The following CLGN variants were observed in gnomAD, a reference collection of about 807,000 sequenced individuals.
CLGN encodes calmegin.
In CLGN, 62 loss-of-function variants were observed where a neutral mutation model predicts 79.1. That is an observed-to-expected ratio of 0.78 (90% CI 0.64 to 0.97). The LOEUF is 0.97. CLGN is among the 50% of genes least tolerant of loss of function. The probability of loss-of-function intolerance (pLI) is 0.00; values close to 1 mark genes in which losing one functional copy is unlikely to be tolerated. For synonymous variants in CLGN, 225 were observed against 224.7 expected (o/e 1.00, Z -0.01); for missense variants, 647 against 715.5 (o/e 0.90, Z 1.09).
intron 1 of CLGN, among the ~76,000 whole-genome samples, chr4:140,414,316 G>T (rs1336210581): frequency 6.6e-6 from 1 of 151,848 alleles, no homozygotes; most frequent in South Asian, 2.1e-4. Flanking sequence ...AAGGAATGCA[G>T]TTCCTCACCA....
Position 140,401,157 on chromosome 4 carries a change from A to G in CLGN, c.502-608T>C, listed in dbSNP as rs112854979. 2.6e-4 allele frequency among the ~76,000 whole-genome samples: 40 copies of G among 152,306 alleles called. 1 individual carries two copies. The highest frequency in any genetic ancestry group is 8.4e-4 in the African/African-American group (35 of 41,574). ...TGCACCTCCATTTCATCACCTCTGA[A>G]GTATGGAGATGATAATAGTACCTAC... is the stretch of plus-strand genomic sequence containing the variant. On this transcript the variant is annotated intron_variant, in intron 6 of 14. Coordinates refer to ENST00000325617, the MANE Select transcript of CLGN (RefSeq NM_004362.3).
chr4:140,425,785 T>C (rs1320672243), intron 1 of CLGN, among the ~76,000 whole-genome samples: 1 of 151,750 alleles, frequency 6.6e-6, no homozygotes, highest in African/African-American at 2.4e-5. Context: ...CGCGCCACTA[T>C]GCCCGGCTAA....
At chr4:140,425,599 T>C (rs1250913948) in intron 1 of CLGN, among the ~76,000 whole-genome samples, 1 of 151,824 alleles carries the variant, frequency 6.6e-6, no homozygotes, top group Non-Finnish European at 1.5e-5. Context: ...ACTTTATGTT[T>C]CTGTGACACA....
chr4:140,405,254 G>A (rs1401110331), intron 5 of CLGN, among the ~76,000 whole-genome samples: 19 of 141,220 alleles, frequency 1.3e-4, no homozygotes, highest in East Asian at 8.2e-4. Flanking sequence ...GCGGGATCTC[G>A]GCTCACTGCA....
intron 1 of CLGN, among the ~76,000 whole-genome samples, chr4:140,427,129 G>A (rs759539759): frequency 1.3e-5 from 2 of 152,074 alleles, no homozygotes; most frequent in Non-Finnish European, 2.9e-5. Flanking sequence ...GGGCTCAAGC[G>A]TGGAACGGGG....
chr4:140,413,179 C>A, intron 1 of CLGN, 92 bp from the exon 2 acceptor site: 2 of 909,116 alleles, frequency 2.2e-6, no homozygotes, highest in South Asian at 3.2e-5. Context: ...TCCATAATAG[C>A]TCCTTTATTC....
Position 140,392,707 on chromosome 4 carries a change from C to G in CLGN, c.1370G>C (p.Gly457Ala), listed in dbSNP as rs773076710. Reference protein sequence around the residue: ...KIMIANANKPGVLKQLMAAAE... With the variant: ...KIMIANANKPAVLKQLMAAAE... ...AGCTGCCATTAACTGTTTTAATACACCAGGCTATAGACGAGATAAGCATAA... is the reference window on the plus strand; with the variant it reads ...AGCTGCCATTAACTGTTTTAATACAGCAGGCTATAGACGAGATAAGCATAA... The change falls in exon 12 of 15, where the codon GGT (glycine) becomes GCT (alanine). Residue 457 changes from glycine to alanine, a missense_variant. Physicochemically the swap from Gly to Ala is moderately conservative, Grantham distance 60. Transcript: ENST00000325617. 2 of 1,591,040 alleles carry G rather than the reference C, an allele frequency of 1.3e-6. No individual in the cohort carries two copies. Among genetic ancestry groups the G allele is most frequent in the Non-Finnish European group, 1.7e-6 (2 of 1,172,298 alleles).
At position 140,425,622 on chromosome 4, in the gene CLGN, CTTTTTTTTTTTTTT is replaced by C. The variant is rs60198755; in HGVS notation, c.-10+1901_-10+1914del. Among the ~76,000 whole-genome samples, 6 of 97,192 alleles carry C rather than the reference CTTTTTTTTTTTTTT, an allele frequency of 6.2e-5. No individual in the cohort carries two copies. In the Admixed American group the frequency reaches 8.6e-4, roughly 14 times the overall value. 63.8% of individuals were successfully genotyped at this position (97,192 alleles called of 152,430 possible). A position where few individuals can be genotyped will look rare whatever the true frequency, so the allele number is the denominator to read the frequency against. ...TTTCTGTGACACATTTTTGTAATTC[CTTTTTTTTTTTTTT>C]TTTTTTTTTTGAGATGGAGTCTTGC... On this transcript the variant is annotated intron_variant, in intron 1 of 14. Coordinates refer to ENST00000325617, the MANE Select transcript of CLGN (RefSeq NM_004362.3).
At chr4:140,422,399 C>A (rs1729486255) in intron 1 of CLGN, among the ~76,000 whole-genome samples, 1 of 152,150 alleles carries the variant, frequency 6.6e-6, no homozygotes, top group Admixed American at 6.5e-5. Flanking sequence ...AACACAATGT[C>A]TTTCCATTGA....
At chr4:140,389,796 G>T (rs1194179644) in intron 14 of CLGN, among the ~76,000 whole-genome samples, 2 of 151,694 alleles carry the variant, frequency 1.3e-5, no homozygotes, top group East Asian at 3.9e-4. Context: ...TTAAACATTA[G>T]GAAAGACTTA....
chr4:140,422,177 T>G (rs773736084), intron 1 of CLGN, among the ~76,000 whole-genome samples: 1 of 152,236 alleles, frequency 6.6e-6, no homozygotes, highest in African/African-American at 2.4e-5. Context: ...ATTTGATTAC[T>G]ATAGCTTTGT....
At chr4:140,404,142 G>C (rs962200217) in intron 5 of CLGN, among the ~76,000 whole-genome samples, 1 of 151,704 alleles carries the variant, frequency 6.6e-6, no homozygotes, top group Non-Finnish European at 1.5e-5. Context: ...TGCCCAGGCT[G>C]GAGTGCAGTG....
chr4:140,411,343 T>C (rs1276198633), intron 2 of CLGN, among the ~76,000 whole-genome samples: 3 of 152,232 alleles, frequency 2.0e-5, no homozygotes, highest in South Asian at 4.1e-4. Context: ...GCCAAGACTG[T>C]CTGGCTCCAA....
rs1185869709 is a variant in CLGN at position 140,405,464 on chromosome 4, G to A, written c.419+478C>T. On this transcript the variant is annotated intron_variant, in intron 5 of 14. Transcript: ENST00000325617. ...CTCCCAAAGTGCTGGGATTACAGGC[G>A]TGAGCCACCGCGCCCGGCGATAACA... is the stretch of plus-strand genomic sequence containing the variant. Among the ~76,000 whole-genome samples the A allele has an allele frequency of 5.3e-5, 8 of 152,128 alleles. No individual in the cohort carries two copies. In the South Asian group the frequency reaches 1.0e-3, roughly 20 times the overall value.
At chr4:140,412,803 GA>G in intron 2 of CLGN, 131 bp downstream of exon 2, 4 of 834,178 alleles carry the variant, frequency 4.8e-6, no homozygotes, top group Non-Finnish European at 7.1e-6. Context: ...AAGACACTTA[GA>G]AAAAAAATCA....
intron 1 of CLGN, among the ~76,000 whole-genome samples, chr4:140,425,351 G>C (rs1313225692): frequency 6.6e-6 from 1 of 152,030 alleles, no homozygotes; most frequent in Admixed American, 6.6e-5. Flanking sequence ...AAGGTAGGAA[G>C]TTGCAGAATC....
Position 140,388,902 on chromosome 4 carries a change from A to G in CLGN, c.*322T>C, listed in dbSNP as rs1728723406. 4.7e-6 allele frequency: 1 copy of G among 210,880 alleles called. No homozygotes were observed. Among genetic ancestry groups the G allele is most frequent in the Admixed American group, 5.5e-5 (1 of 18,292 alleles). The allele number at this position is 210,880 out of a possible 1,614,324, so 13.1% of individuals were successfully genotyped here. ...AATTCCAATAACTGATTTTTCCAAT[A>G]GCAATGAAGCTGCTACATATTATTT... On this transcript the variant is annotated 3_prime_UTR_variant, in exon 15 of 15. Transcript: ENST00000325617.
intron 1 of CLGN, among the ~76,000 whole-genome samples, chr4:140,414,306 A>G (rs1337684750): frequency 6.6e-6 from 1 of 152,072 alleles, no homozygotes; most frequent in Non-Finnish European, 1.5e-5. Flanking sequence ...TCCTCCTCCA[A>G]AGGAATGCAG....
At chr4:140,424,823 C>T (rs1007991849) in intron 1 of CLGN, among the ~76,000 whole-genome samples, 1 of 152,202 alleles carries the variant, frequency 6.6e-6, no homozygotes, top group Non-Finnish European at 1.5e-5. Context: ...TGTATGTTCT[C>T]TGCACTGCTT....
Sources: gnomAD v4.1 joint callset for allele counts (sites outside exome capture counted in the v4.1 genomes callset) on GRCh38, gnomAD v4.1.1 for gene constraint, MANE v1.5 for transcripts, NCBI Gene and HGNC (gene_info 2026-07-23, HGNC 2026-07-21) for gene names.